The following GOSR1 variants were observed in gnomAD, a reference collection of about 807,000 sequenced individuals.
The protein encoded by GOSR1 is golgi SNAP receptor complex member 1.
In GOSR1, 21 loss-of-function variants were observed where a neutral mutation model predicts 35.5. That is an observed-to-expected ratio of 0.59 (90% confidence interval 0.42 to 0.85). The LOEUF (loss-of-function observed/expected upper bound fraction) is 0.85. GOSR1 is among the 40% of genes least tolerant of loss of function. The pLI, the probability that GOSR1 is intolerant of heterozygous loss-of-function variation, is 0.00. For synonymous variants in GOSR1, 94 were observed against 106.6 expected (o/e 0.88, Z 0.73); for missense variants, 285 against 309.6 (o/e 0.92, Z 0.60).
intron 1 of GOSR1, chr17:30,477,969 T>G: frequency 1.0e-6 from 1 of 981,584 alleles, no homozygotes; most frequent in Non-Finnish European, 1.2e-6. Flanking sequence ...GAATGTCTCT[T>G]ATTGGGTCTC....
At chr17:30,477,586 G>A in intron 1 of GOSR1, 122 bp downstream of exon 1, 2 of 1,407,738 alleles carry the variant, frequency 1.4e-6, no homozygotes, top group Non-Finnish European at 1.9e-6. Flanking sequence ...CTGAGCAGCG[G>A]GGCTTGCCTA....
intron 4 of GOSR1, among the ~76,000 whole-genome samples, chr17:30,487,859 T>G (rs1914776635): frequency 6.6e-6 from 1 of 152,148 alleles, no homozygotes; most frequent in African/African-American, 2.4e-5. Flanking sequence ...CACTGCAGCC[T>G]CCACGTCCTG....
chr17:30,498,110 G>T, intron 6 of GOSR1, among the ~76,000 whole-genome samples: 1 of 148,890 alleles, frequency 6.7e-6, no homozygotes. Flanking sequence ...TTAGTCATTA[G>T]TCTTATTATA....
Position 30,526,575 on chromosome 17 carries a change from C to G in GOSR1, c.*4197C>G, listed in dbSNP as rs894826552. The G allele has an allele frequency of 6.6e-6, 1 of 152,644 alleles. No homozygotes were observed. The highest frequency in any genetic ancestry group is 1.5e-5 in the Non-Finnish European group (1 of 68,036). 9.5% of individuals were successfully genotyped at this position (152,644 alleles called of 1,614,324 possible). On this transcript the variant is annotated 3_prime_UTR_variant, in exon 9 of 9. Coordinates refer to ENST00000451249, the MANE Select transcript of GOSR1 (RefSeq NM_001007025.2). ...TTAGCTCTTAAGGGAGGAGGGAAAT[C>G]AATTCCAACCATACTTTCCTGTGAT...
Position 30,492,659 on chromosome 17 carries a change from A to C in GOSR1, c.435-20A>C, listed in dbSNP as rs758926121. On this transcript the variant is annotated intron_variant, in intron 5 of 8. Coordinates refer to ENST00000451249, the MANE Select transcript of GOSR1 (RefSeq NM_001007025.2). ...GTATTCTCTGCCAAAAATGTTTTTA[A>C]ATTTTCTCTTTTGTCCCAGGTCATA... 1 of 1,452,528 alleles carries C rather than the reference A, an allele frequency of 6.9e-7. No homozygotes were observed. The highest frequency in any genetic ancestry group is 1.2e-5 in the South Asian group (1 of 86,024). The allele number at this position is 1,452,528 out of a possible 1,614,324, so 90.0% of individuals were successfully genotyped here.
intron 6 of GOSR1, among the ~76,000 whole-genome samples, chr17:30,497,567 A>G (rs1450201610): frequency 1.3e-5 from 2 of 152,270 alleles, no homozygotes; most frequent in Non-Finnish European, 2.9e-5. Flanking sequence ...CCTATTACAG[A>G]GCTTGATATG....
chr17:30,486,635 A>G (rs1914702063), intron 4 of GOSR1, among the ~76,000 whole-genome samples: 1 of 152,238 alleles, frequency 6.6e-6, no homozygotes, highest in African/African-American at 2.4e-5. Context: ...AAAAGTTAGA[A>G]ACAATTAAAT....
intron 6 of GOSR1, among the ~76,000 whole-genome samples, chr17:30,498,963 G>T (rs1455104549): frequency 6.6e-6 from 1 of 152,162 alleles, no homozygotes; most frequent in Non-Finnish European, 1.5e-5. Context: ...GTAAGACAGA[G>T]AACATTTCTA....
rs965757909 is a variant in GOSR1 at position 30,522,524 on chromosome 17, A to G, written c.*146A>G. ...GACTGACAGTGATGGACTCTGTGAC[A>G]TGGTCAGGTTGAGCTGAAGCCACAG... On this transcript the variant is annotated 3_prime_UTR_variant, in exon 9 of 9. Transcript: ENST00000451249. 9.4e-6 allele frequency: 5 copies of G among 529,386 alleles called. No individual in the cohort carries two copies. Among genetic ancestry groups the G allele is most frequent in the South Asian group, 5.5e-5 (1 of 18,262 alleles). The allele number at this position is 529,386 out of a possible 1,614,324, so 32.8% of individuals were successfully genotyped here. A position where few individuals can be genotyped will look rare whatever the true frequency, so the allele number is the denominator to read the frequency against.
rs761860656 is a variant in GOSR1 at position 30,477,499 on chromosome 17, A to G, written c.31+35A>G. ...AGAAGGCCTCCGGGTGCGTCCTACGAGGGTGAGAGGGGCTGAGTGAGGACA... is the reference window on the plus strand; with the variant it reads ...AGAAGGCCTCCGGGTGCGTCCTACGGGGGTGAGAGGGGCTGAGTGAGGACA... On this transcript the variant is annotated intron_variant, in intron 1 of 8. Coordinates refer to ENST00000451249, the MANE Select transcript of GOSR1 (RefSeq NM_001007025.2). 3.1e-6 allele frequency: 5 copies of G among 1,600,420 alleles called. No individual in the cohort carries two copies. In the East Asian group the frequency reaches 9.0e-5, roughly 29 times the overall value.
intron 1 of GOSR1, chr17:30,480,728 TTGAGA>T (rs1475956880): frequency 6.6e-6 from 1 of 151,998 alleles, no homozygotes. Context: ...TTTCCTTTTT[TTGAGA>T]CATAGTTTTG....
chr17:30,486,019 TAAAAAA>T (rs753646179), intron 4 of GOSR1, among the ~76,000 whole-genome samples: 1 of 76,184 alleles, frequency 1.3e-5, no homozygotes, highest in Non-Finnish European at 2.7e-5. Context: ...AGACTCCATC[TAAAAAA>T]AAAAAAAAAA....
chr17:30,483,019 T>G (rs1914449580), intron 2 of GOSR1: 1 of 152,190 alleles, frequency 6.6e-6, no homozygotes. Flanking sequence ...AGGATCAGGA[T>G]TTGATGTCTA....
intron 6 of GOSR1, among the ~76,000 whole-genome samples, chr17:30,509,714 TG>T (rs2143842706): frequency 6.6e-6 from 1 of 152,330 alleles, no homozygotes; most frequent in South Asian, 2.1e-4. Flanking sequence ...TTCCAGTGTG[TG>T]CTGCATAAAG....
chr17:30,511,084 G>A (rs555481995), intron 7 of GOSR1, among the ~76,000 whole-genome samples, 175 bp downstream of exon 7: 14 of 152,270 alleles, frequency 9.2e-5, no homozygotes, highest in Admixed American at 3.9e-4. Flanking sequence ...TACAAGAGAC[G>A]TTTGACACCC....
At chr17:30,490,404 C>T in intron 5 of GOSR1, 187 bp downstream of exon 5, 1 of 454,234 alleles carries the variant, frequency 2.2e-6, no homozygotes, top group Non-Finnish European at 4.0e-6. Context: ...ATTTTTATCT[C>T]ATGCTTCCTC....
intron 6 of GOSR1, among the ~76,000 whole-genome samples, chr17:30,507,041 T>C (rs916740668): frequency 6.6e-6 from 1 of 152,236 alleles, no homozygotes; most frequent in African/African-American, 2.4e-5. Context: ...TCTTTGACAG[T>C]GCACCTCTGA....
intron 6 of GOSR1, chr17:30,495,556 C>CT: frequency 2.7e-6 from 1 of 370,500 alleles, no homozygotes; most frequent in East Asian, 7.8e-5. Context: ...TTTACCCAGG[C>CT]TGGGACCACC....
intron 7 of GOSR1, among the ~76,000 whole-genome samples, chr17:30,512,246 T>C (rs1967642312): frequency 6.6e-6 from 1 of 152,242 alleles, no homozygotes; most frequent in South Asian, 2.1e-4. Flanking sequence ...TCTGTAAGAC[T>C]GTTAAGGATA....
Sources: gnomAD v4.1 joint callset for allele counts (sites outside exome capture counted in the v4.1 genomes callset) on GRCh38, gnomAD v4.1.1 for gene constraint, MANE v1.5 for transcripts, NCBI Gene and HGNC (gene_info 2026-07-23, HGNC 2026-07-21) for gene names.